NDST1: variants seen among roughly 807,000 people sequenced by gnomAD.
NDST1 encodes the protein bifunctional heparan sulfate N-deacetylase/N-sulfotransferase 1.
A neutral mutation model predicts 92.8 loss-of-function variants in NDST1; 35 were observed. The ratio of observed to expected loss-of-function variants is 0.38; its 90% CI spans 0.29 to 0.50. The LOEUF (loss-of-function observed/expected upper bound fraction) is 0.50, where lower values mean the gene tolerates loss of function less well. NDST1 is among the 20% of genes least tolerant of loss of function. The pLI is 0.94. For missense variants in NDST1, 822 were observed against 1,182.7 expected, an observed-to-expected ratio of 0.69 and a Z score of 4.47; for synonymous variants, 493 against 500.3, an observed-to-expected ratio of 0.99 and a Z score of 0.19.
rs1288792648 is a variant in NDST1 at position 150,535,551 on chromosome 5, G to A, written c.1252-149G>A. 6 of 1,192,036 alleles carry A rather than the reference G, an allele frequency of 5.0e-6. No individual in the cohort carries two copies. The African/African-American group carries it at 9.0e-5, about 18-fold the overall frequency. 73.8% of individuals were successfully genotyped at this position (1,192,036 alleles called of 1,614,324 possible). ...CTGGGCACATTCCTTGCCCTCCCAG[G>A]CCTCAGCTTCCCATCTTACCATGAA... is the stretch of plus-strand genomic sequence containing the variant. On this transcript the variant is annotated intron_variant, in intron 5 of 14. Coordinates refer to ENST00000261797, the MANE Select transcript of NDST1 (RefSeq NM_001543.5).
At chr5:150,547,425 G>A (rs901456117) in intron 11 of NDST1, among the ~76,000 whole-genome samples, 1 of 152,180 alleles carries the variant, frequency 6.6e-6, no homozygotes, top group South Asian at 2.1e-4. Flanking sequence ...AGTGCCTGTC[G>A]CACAGGTGCC....
chr5:150,503,197 C>T (rs553641900), upstream of NDST1, among the ~76,000 whole-genome samples: 6 of 152,270 alleles, frequency 3.9e-5, no homozygotes, highest in East Asian at 1.2e-3. Context: ...AATCCCAGCA[C>T]TTTGGGAGGC....
chr5:150,538,761 A>C (rs1755105164), intron 6 of NDST1, among the ~76,000 whole-genome samples: 1 of 152,090 alleles, frequency 6.6e-6, no homozygotes, highest in Non-Finnish European at 1.5e-5. Context: ...TCCAGGGATG[A>C]GGTGGTGACA....
intron 12 of NDST1, among the ~76,000 whole-genome samples, chr5:150,549,271 C>T (rs1755621377): frequency 6.6e-6 from 1 of 152,200 alleles, no homozygotes; most frequent in Non-Finnish European, 1.5e-5. Flanking sequence ...CCCAGCATCC[C>T]AAAGTGCTGA....
chr5:150,542,898 AACT>A lies in NDST1; in HGVS notation c.1900_1902del (p.Tyr634del). On this transcript the variant is annotated inframe_deletion, in exon 10 of 15. Transcript: ENST00000261797. ...GGGCATGCACCCTGACCTAAGCAGC[AACT>A]ACCCCAGCTCTGAGACCTTTGAGGA... The A allele has an allele frequency of 2.5e-6, 4 of 1,614,158 alleles. No homozygotes were observed. The highest frequency in any genetic ancestry group is 3.4e-6 in the Non-Finnish European group (4 of 1,180,002).
rs548006055 is a variant in NDST1 at position 150,525,480 on chromosome 5, C to T, written c.514-2324C>T. Among the ~76,000 whole-genome samples the T allele has an allele frequency of 9.8e-4, 150 of 152,314 alleles. 1 individual carries two copies. Among genetic ancestry groups the T allele is most frequent in the South Asian group, 8.7e-3 (42 of 4,824 alleles). On this transcript the variant is annotated intron_variant, in intron 2 of 14. Transcript: ENST00000261797. ...CCACACAGCCCAAGTAGTTCCCAGC[C>T]TTGGTCAGGGCTGTCTTAGGAGTCG...
At chr5:150,525,474 C>T (rs1229254375) in intron 2 of NDST1, among the ~76,000 whole-genome samples, 1 of 152,174 alleles carries the variant, frequency 6.6e-6, no homozygotes, top group Non-Finnish European at 1.5e-5. Context: ...CCAAGTAGTT[C>T]CCAGCCTTGG....
chr5:150,531,588 C>T (rs1290225661), intron 3 of NDST1, among the ~76,000 whole-genome samples: 7 of 151,328 alleles, frequency 4.6e-5, no homozygotes, highest in African/African-American at 1.7e-4. Context: ...CAACCTCCGC[C>T]TCCTGGGTTC....
Position 150,534,863 on chromosome 5 carries a change from G to A in NDST1, c.1097-4G>A, listed in dbSNP as rs757992007. The A allele has an allele frequency of 3.7e-6, 6 of 1,614,154 alleles. No homozygotes were observed. The African/African-American group carries it at 5.3e-5, about 14-fold the overall frequency. ...GTGGTTCTGAGCTGCCTGTGTTGCT[G>A]CAGGTACCAATGCTGAGGACGCTGG... On this transcript the variant is annotated splice_polypyrimidine_tract_variant and splice_region_variant and intron_variant, in intron 4 of 14. Coordinates refer to ENST00000261797, the MANE Select transcript of NDST1 (RefSeq NM_001543.5).
At chr5:150,503,981 CA>C (rs894473778), upstream of NDST1, among the ~76,000 whole-genome samples, 5 of 152,164 alleles carry the variant, frequency 3.3e-5, no homozygotes, top group African/African-American at 1.2e-4. Flanking sequence ...CCTGGAGTGG[CA>C]GTCCACTGGA....
chr5:150,538,102 G>A (rs1755075837), intron 6 of NDST1, among the ~76,000 whole-genome samples: 1 of 152,208 alleles, frequency 6.6e-6, no homozygotes, highest in Non-Finnish European at 1.5e-5. Flanking sequence ...TGCCACATGA[G>A]GAAGAGCACT....
At chr5:150,515,258 G>A (rs979894226) in intron 1 of NDST1, among the ~76,000 whole-genome samples, 3 of 152,238 alleles carry the variant, frequency 2.0e-5, no homozygotes, top group Non-Finnish European at 2.9e-5. Context: ...TGGCAGGTGA[G>A]GATGTGTGCC....
intron 8 of NDST1, among the ~76,000 whole-genome samples, 196 bp downstream of exon 8, chr5:150,540,460 A>G (rs887333305): frequency 1.6e-4 from 24 of 152,142 alleles, no homozygotes; most frequent in African/African-American, 5.8e-4. Flanking sequence ...ATACATGTAC[A>G]TACTTCCCCA....
rs575632629 is a variant in NDST1, at chr5:150,535,938, T to C, written c.1437+53T>C. On this transcript the variant is annotated intron_variant, in intron 6 of 14. Coordinates refer to ENST00000261797, the MANE Select transcript of NDST1 (RefSeq NM_001543.5). ...GTGGGAGAATGGAGAGCACAGTCTG[T>C]CATGTGTGTGCATACGCTGTCCTGG... 1.8e-4 allele frequency: 289 copies of C among 1,570,624 alleles called. 4 individuals carry two copies. The South Asian group carries it at 3.2e-3, about 17-fold the overall frequency.
chr5:150,534,655 G>C (rs1274369881), intron 4 of NDST1, among the ~76,000 whole-genome samples: 1 of 152,198 alleles, frequency 6.6e-6, no homozygotes, highest in Non-Finnish European at 1.5e-5. Flanking sequence ...GATAGTCTTG[G>C]CCAAGGTCCC....
chr5:150,529,131 C>T (rs1337078858), intron 3 of NDST1, among the ~76,000 whole-genome samples: 1 of 152,038 alleles, frequency 6.6e-6, no homozygotes, highest in African/African-American at 2.4e-5. Context: ...GTGGCTTGTG[C>T]TTGTAATCCC....
rs773752448 is a variant in NDST1 at position 150,548,249 on chromosome 5, T to A, written c.2177T>A (p.Leu726Gln). 1 of 1,614,196 alleles carries A rather than the reference T, an allele frequency of 6.2e-7. No individual in the cohort carries two copies. The highest frequency in any genetic ancestry group is 1.1e-5 in the South Asian group (1 of 91,092). The change falls in exon 12 of 15, where the codon CTA becomes CAA. Residue 726 changes from leucine to glutamine, a missense_variant. Transcript: ENST00000261797. Reference sequence around the variant, plus strand: ...CGAGCCCATGACGACCCAGTGGCCCTAAAGTACACCTTCCATGAGGTGATT... The same window carrying A: ...CGAGCCCATGACGACCCAGTGGCCCAAAAGTACACCTTCCATGAGGTGATT... ...HQRAHDDPVA[L>Q]KYTFHEVITA...
rs36071594 is a variant in NDST1, at chr5:150,557,933, TA to T, written c.*4602del. On this transcript the variant is annotated 3_prime_UTR_variant, in exon 15 of 15. Transcript: ENST00000261797. This position sits in a 1 kb window ranked among gnomAD's most constrained non-coding sequence, Gnocchi z 4.7. ...TTTCTATGACTGTGTTAGCTTTTAT[TA>T]TTAGCAAGAGGGCTCCTTTTGTAAT... The T allele has an allele frequency of 0.31, 46,732 of 152,346 alleles. 8,718 individuals are homozygous for T. Among genetic ancestry groups the T allele is most frequent in the Non-Finnish European group, 0.4 (27,444 of 67,910 alleles). 9.4% of individuals were successfully genotyped at this position (152,346 alleles called of 1,614,324 possible). A position where few individuals can be genotyped will look rare whatever the true frequency, so the allele number is the denominator to read the frequency against.
chr5:150,549,724 T>G lies in NDST1; in HGVS notation c.2363T>G (p.Val788Gly), dbSNP rs774422073. The stretch of plus-strand genomic sequence containing the variant: ...CTGCTTCGCACAGAACCTGCCAAAG[T>G]GATGGACATGGTGCAGAAGTTCCTT... ...GKLLRTEPAKVMDMVQKFLGV... is the reference protein window; with the variant it reads ...GKLLRTEPAKGMDMVQKFLGV... Residue 788 changes from valine (V) to glycine (G), a missense_variant, in exon 13 of 15, where the codon GTG becomes GGG. Coordinates refer to ENST00000261797, the MANE Select transcript of NDST1 (RefSeq NM_001543.5). 6.2e-7 allele frequency: 1 copy of G among 1,614,130 alleles called. No individual in the cohort carries two copies. The highest frequency in any genetic ancestry group is 8.5e-7 in the Non-Finnish European group (1 of 1,179,980).
Sources: gnomAD v4.1 joint callset for allele counts (sites outside exome capture counted in the v4.1 genomes callset) on GRCh38, gnomAD v4.1.1 for gene constraint, Gnocchi (gnomAD v3.1) non-coding constraint, MANE v1.5 for transcripts, NCBI Gene and HGNC (gene_info 2026-07-23, HGNC 2026-07-21) for gene names.